The following ANXA8 variants were observed in gnomAD, a reference collection of about 807,000 sequenced individuals.
ANXA8 encodes the protein annexin A8.
A neutral mutation model predicts 26.8 loss-of-function variants in ANXA8; 9 were observed. That is an observed-to-expected ratio of 0.34 (90% confidence interval 0.20 to 0.59). ANXA8 has a LOEUF of 0.59. ANXA8 is among the 20% of genes least tolerant of loss of function. ANXA8 has a pLI of 0.84. For missense variants in ANXA8, 83 were observed against 238.5 expected (o/e 0.35, Z 4.29); for synonymous variants, 39 against 94.8 (o/e 0.41, Z 3.42).
chr10:47,943,436 A>T, the ANXA8 span, among the ~76,000 whole-genome samples: 1 of 146,648 alleles, frequency 6.8e-6, no homozygotes, highest in Non-Finnish European at 1.5e-5. Context: ...GAGAAACCCC[A>T]GGACTTTAGC....
chr10:47,509,021 C>T, the ANXA8 span, among the ~76,000 whole-genome samples: 4 of 134,420 alleles, frequency 3.0e-5, 1 homozygote, highest in African/African-American at 9.4e-5. Flanking sequence ...TTTATTTCAC[C>T]AATAGTGAAT....
the ANXA8 span, among the ~76,000 whole-genome samples, chr10:47,673,002 A>G: frequency 6.0e-5 from 9 of 150,176 alleles, no homozygotes; most frequent in African/African-American, 2.3e-4. Flanking sequence ...TCTAGGATGG[A>G]ACAACGAAAG....
chr10:47,989,741 T>A, the ANXA8 span, among the ~76,000 whole-genome samples: 3 of 94,934 alleles, frequency 3.2e-5, 1 homozygote, highest in Non-Finnish European at 7.9e-5. Flanking sequence ...CGCCTTGGCC[T>A]TCCCCTGCTA....
the ANXA8 span, among the ~76,000 whole-genome samples, chr10:47,646,087 CTG>C: frequency 6.7e-6 from 1 of 149,642 alleles, no homozygotes; most frequent in Admixed American, 6.6e-5. Context: ...ATCTGTATCT[CTG>C]TGTCATCTAT....
the ANXA8 span, among the ~76,000 whole-genome samples, chr10:47,597,067 G>T: frequency 6.7e-6 from 1 of 148,896 alleles, no homozygotes; most frequent in African/African-American, 2.6e-5. Context: ...AATATCAAGT[G>T]AACTTTATAC....
chr10:47,631,789 T>C, the ANXA8 span, among the ~76,000 whole-genome samples: 50 of 151,204 alleles, frequency 3.3e-4, no homozygotes, highest in Non-Finnish European at 6.5e-4. Context: ...GAAATCCAAG[T>C]GTTTTTGTTT....
the ANXA8 span, among the ~76,000 whole-genome samples, chr10:47,745,771 C>T: frequency 7.3e-6 from 1 of 136,766 alleles, no homozygotes; most frequent in Non-Finnish European, 1.6e-5. Context: ...TTCACCCCTC[C>T]CTGTGGCTGT....
chr10:47,726,997 G>T, the ANXA8 span: 1 of 1,350,804 alleles, frequency 7.4e-7, no homozygotes, highest in African/African-American at 1.5e-5. Context: ...TTTTATTCAG[G>T]AGTATAAATG....
the ANXA8 span, among the ~76,000 whole-genome samples, chr10:47,733,229 T>TTTTC: frequency 1.9e-4 from 13 of 67,862 alleles, no homozygotes; most frequent in African/African-American, 6.2e-4. Flanking sequence ...TTCTCTTTCT[T>TTTTC]TCTCTCTTTC....
At chr10:47,740,992 G>A in the ANXA8 span, among the ~76,000 whole-genome samples, 1 of 151,702 alleles carries the variant, frequency 6.6e-6, no homozygotes, top group Non-Finnish European at 1.5e-5. Flanking sequence ...TCCAGTTGTT[G>A]TACATCCTTG....
the ANXA8 span, among the ~76,000 whole-genome samples, chr10:47,652,892 A>G: frequency 6.4e-4 from 96 of 150,806 alleles, no homozygotes; most frequent in South Asian, 6.2e-4. Context: ...TATTTATATT[A>G]TATTTACACT....
the ANXA8 span, chr10:47,543,392 C>A: frequency 7.8e-6 from 1 of 128,504 alleles, no homozygotes; most frequent in Non-Finnish European, 1.3e-5. Context: ...TTCGGTAACA[C>A]CTTTGCAGGC....
chr10:47,979,533 C>T, the ANXA8 span, among the ~76,000 whole-genome samples: 1 of 151,584 alleles, frequency 6.6e-6, no homozygotes, highest in Non-Finnish European at 1.5e-5. Flanking sequence ...GCAGAGATTA[C>T]CCTGGATTGT....
the ANXA8 span, among the ~76,000 whole-genome samples, chr10:47,663,806 A>C: frequency 1.3e-5 from 2 of 148,532 alleles, no homozygotes; most frequent in African/African-American, 2.6e-5. Context: ...GATGAAACTC[A>C]TATCTCATTT....
chr10:47,695,896 G>A, the ANXA8 span, among the ~76,000 whole-genome samples: 3 of 151,746 alleles, frequency 2.0e-5, no homozygotes, highest in Non-Finnish European at 4.4e-5. Context: ...TACCTCCAAA[G>A]TCTTTCACTT....
At chr10:47,672,767 C>T in the ANXA8 span, among the ~76,000 whole-genome samples, 1 of 151,876 alleles carries the variant, frequency 6.6e-6, no homozygotes, top group East Asian at 1.9e-4. Flanking sequence ...CCTTAATGTA[C>T]TGAGGGAGTG....
chr10:47,678,799 G>T, the ANXA8 span, among the ~76,000 whole-genome samples: 1 of 150,142 alleles, frequency 6.7e-6, no homozygotes, highest in Non-Finnish European at 1.5e-5. Flanking sequence ...CTAGCACTTT[G>T]GGGGGCCGAG....
At chr10:47,972,515 G>T in the ANXA8 span, among the ~76,000 whole-genome samples, 1 of 129,730 alleles carries the variant, frequency 7.7e-6, no homozygotes, top group African/African-American at 3.0e-5. Context: ...CCTCTGCAAA[G>T]TGATGACCAA....
the ANXA8 span, among the ~76,000 whole-genome samples, chr10:47,577,201 G>A: frequency 4.2e-5 from 6 of 144,378 alleles, no homozygotes; most frequent in East Asian, 1.0e-3. Flanking sequence ...CTCCAGCCTG[G>A]GCGACAGAGC....
Sources: gnomAD v4.1 joint callset for allele counts (sites outside exome capture counted in the v4.1 genomes callset) on GRCh38, gnomAD v4.1.1 for gene constraint, MANE v1.5 for transcripts, NCBI Gene and HGNC (gene_info 2026-07-23, HGNC 2026-07-21) for gene names.